IPO7: variants seen among roughly 807,000 people sequenced by gnomAD.
The protein encoded by IPO7 is importin-7.
A neutral mutation model predicts 136.4 loss-of-function variants in IPO7; 13 were observed. The ratio of observed to expected loss-of-function variants is 0.10; its 90% CI spans 0.06 to 0.15. The LOEUF (loss-of-function observed/expected upper bound fraction) is 0.15, where lower values mean the gene tolerates loss of function less well. IPO7 is among the 10% of genes least tolerant of loss of function. The pLI, the probability that IPO7 is intolerant of heterozygous loss-of-function variation, is 1.00. For synonymous variants in IPO7, 403 were observed against 404.4 expected (o/e 1.00, Z 0.04); for missense variants, 857 against 1,240.6 (o/e 0.69, Z 4.65).
chr11:9,393,651 G>A (rs1854667793), intron 1 of IPO7, among the ~76,000 whole-genome samples: 1 of 152,114 alleles, frequency 6.6e-6, no homozygotes, highest in South Asian at 2.1e-4. Context: ...CCAAAGTGTT[G>A]GGATTACAGG....
At chr11:9,422,684 AC>A (rs1190455572) in intron 8 of IPO7, among the ~76,000 whole-genome samples, 1 of 152,124 alleles carries the variant, frequency 6.6e-6, no homozygotes, top group Non-Finnish European at 1.5e-5. Context: ...GTGGTGACTT[AC>A]ACCTGTAATC....
intron 20 of IPO7, 45 bp from the exon 21 acceptor site, chr11:9,437,709 G>A: frequency 7.4e-7 from 1 of 1,343,188 alleles, no homozygotes; most frequent in Non-Finnish European, 1.1e-6. Context: ...ATGTTTGCAT[G>A]CTATTAATTA....
Position 9,420,661 on chromosome 11 carries a change from A to G in IPO7, c.869A>G (p.Glu290Gly). The change falls in exon 8 of 25, where the codon GAA becomes GGA. Residue 290 changes from glutamate to glycine, a missense_variant. This residue lies in a region of IPO7 where 287 missense variants were observed against 307.5 expected (regional missense o/e 0.93). Coordinates refer to ENST00000379719, the MANE Select transcript of IPO7 (RefSeq NM_006391.3). Reference protein sequence around the residue: ...NVSKEYNEFAEVFLKAFAVGV... With the variant: ...NVSKEYNEFAGVFLKAFAVGV... ...TCCAAGGAGTATAATGAATTTGCTG[A>G]AGTATTTCTGAAGGCATTTGCTGTT... is the stretch of plus-strand genomic sequence containing the variant. 6.2e-7 allele frequency: 1 copy of G among 1,613,678 alleles called. No individual in the cohort carries two copies. Among genetic ancestry groups the G allele is most frequent in the Non-Finnish European group, 8.5e-7 (1 of 1,179,684 alleles).
chr11:9,444,508 A>G (rs930198294), intron 24 of IPO7, among the ~76,000 whole-genome samples: 2 of 151,728 alleles, frequency 1.3e-5, no homozygotes, highest in Non-Finnish European at 2.9e-5. Context: ...GATTGCAGGC[A>G]CGCACCACCA....
At chr11:9,400,485 G>C (rs943152709) in intron 1 of IPO7, among the ~76,000 whole-genome samples, 2 of 151,776 alleles carry the variant, frequency 1.3e-5, no homozygotes, top group East Asian at 1.9e-4. Context: ...GCGGTGGCGC[G>C]ATCTCGGCTC....
Position 9,423,804 on chromosome 11 carries a change from T to C in IPO7, c.1069T>C (p.Leu357=), listed in dbSNP as rs780799668. 8.1e-6 allele frequency: 13 copies of C among 1,599,702 alleles called. No individual in the cohort carries two copies. Among genetic ancestry groups the C allele is most frequent in the African/African-American group, 2.7e-5 (2 of 74,376 alleles). The part of the protein sequence containing the change: ...QGIIQDVIFP[L]MCYTDADEEL... ...CATTATCCAAGATGTTATTTTTCCA[T>C]TGATGTGCTATACAGATGCTGATGA... Residue 357 remains leucine (L), a synonymous_variant, in exon 10 of 25, where the codon TTG becomes CTG. Transcript: ENST00000379719.
intron 12 of IPO7, among the ~76,000 whole-genome samples, chr11:9,425,495 A>G (rs1164694526): frequency 1.3e-5 from 2 of 152,064 alleles, no homozygotes; most frequent in Non-Finnish European, 2.9e-5. Flanking sequence ...AATCCCAGCT[A>G]TTTGGGAGGC....
At chr11:9,434,199 A>G (rs893332974) in intron 18 of IPO7, among the ~76,000 whole-genome samples, 66 of 152,128 alleles carry the variant, frequency 4.3e-4, no homozygotes, top group African/African-American at 1.5e-3. Flanking sequence ...CTGGGATTAC[A>G]GGCATGAGCC....
chr11:9,417,577 C>G (rs1855058598), intron 6 of IPO7, among the ~76,000 whole-genome samples: 1 of 152,058 alleles, frequency 6.6e-6, no homozygotes, highest in Non-Finnish European at 1.5e-5. Flanking sequence ...AGAAATAACT[C>G]ACATACAGTA....
chr11:9,390,735 C>T (rs958915742), intron 1 of IPO7, among the ~76,000 whole-genome samples: 11 of 151,922 alleles, frequency 7.2e-5, no homozygotes, highest in Admixed American at 6.6e-4. Context: ...GAGGATCGCT[C>T]GTCCAGGAGT....
At position 9,414,556 on chromosome 11, in the gene IPO7, G is replaced by T. The variant is rs547646225; in HGVS notation, c.636+145G>T. On this transcript the variant is annotated intron_variant, in intron 5 of 24. Coordinates refer to ENST00000379719, the MANE Select transcript of IPO7 (RefSeq NM_006391.3). ...ATGATTTTCTAGCAAAATAGAAATT[G>T]CAAAAATTATAAGTCTAAACAAGCA... 25 of 348,340 alleles carry T rather than the reference G, an allele frequency of 7.2e-5. No individual in the cohort carries two copies. In the East Asian group the frequency reaches 1.2e-3, roughly 17 times the overall value. The allele number at this position is 348,340 out of a possible 1,614,324, so 21.6% of individuals were successfully genotyped here.
intron 2 of IPO7, among the ~76,000 whole-genome samples, chr11:9,405,110 A>T (rs1854862137): frequency 6.6e-6 from 1 of 152,090 alleles, no homozygotes; most frequent in African/African-American, 2.4e-5. Context: ...AATTATTATT[A>T]TTATTATTAT....
chr11:9,388,119 C>G (rs565048634), intron 1 of IPO7, among the ~76,000 whole-genome samples: 2 of 151,836 alleles, frequency 1.3e-5, no homozygotes, highest in East Asian at 3.9e-4. Flanking sequence ...TGCACTCCAG[C>G]CTGAGCAACA....
At chr11:9,444,653 G>A (rs968737799) in intron 24 of IPO7, among the ~76,000 whole-genome samples, 1 of 151,606 alleles carries the variant, frequency 6.6e-6, no homozygotes, top group Non-Finnish European at 1.5e-5. Context: ...GGCCAACATG[G>A]TGAAACCCTG....
At chr11:9,416,416 G>C (rs930805358) in intron 5 of IPO7, among the ~76,000 whole-genome samples, 5 of 152,102 alleles carry the variant, frequency 3.3e-5, no homozygotes, top group Non-Finnish European at 7.4e-5. Context: ...CATAACTTTT[G>C]GATTAAATAA....
intron 1 of IPO7, among the ~76,000 whole-genome samples, chr11:9,398,685 CAG>C (rs1445280919): frequency 1.3e-5 from 2 of 152,148 alleles, no homozygotes; most frequent in African/African-American, 4.8e-5. Flanking sequence ...ATGATCAAAT[CAG>C]GGTAATTAGC....
At position 9,409,918 on chromosome 11, in the gene IPO7, TG is replaced by T; in HGVS notation, c.321-8del. ...GGATTTTTTCCTTACTGTTTTTTTT[TG>T]GCTTCCAGGGTACAGCTTACTACAT... On this transcript the variant is annotated splice_polypyrimidine_tract_variant and intron_variant, in intron 3 of 24. Coordinates refer to ENST00000379719, the MANE Select transcript of IPO7 (RefSeq NM_006391.3). The T allele has an allele frequency of 6.6e-7, 1 of 1,503,946 alleles. No individual in the cohort carries two copies. 93.2% of individuals were successfully genotyped at this position (1,503,946 alleles called of 1,614,324 possible).
At chr11:9,434,810 A>G (rs1291135505) in intron 18 of IPO7, 124 bp from the exon 19 acceptor site, 3 of 698,038 alleles carry the variant, frequency 4.3e-6, no homozygotes, top group South Asian at 1.5e-5. Context: ...CTCCCCCCAA[A>G]AAAAGGTGAA....
At chr11:9,436,904 G>T (rs1016746912) in intron 20 of IPO7, among the ~76,000 whole-genome samples, 1 of 43,960 alleles carries the variant, frequency 2.3e-5, no homozygotes, top group Non-Finnish European at 3.7e-5. Context: ...TTTTTTTTTT[G>T]AGACGCTGTC....
Sources: allele counts gnomAD v4.1 joint callset (sites outside exome capture counted in the v4.1 genomes callset), GRCh38; gene constraint gnomAD v4.1.1; regional missense constraint gnomAD v4.1.1; transcripts MANE v1.5; gene names NCBI Gene and HGNC (gene_info 2026-07-23, HGNC 2026-07-21).